Variants in LRRTM4 observed in about 807,000 individuals in gnomAD.
LRRTM4 encodes the protein leucine rich repeat transmembrane neuronal 4.
A neutral mutation model predicts 47.6 loss-of-function variants in LRRTM4; 25 were observed. The ratio of observed to expected loss-of-function variants is 0.53; its 90% CI spans 0.38 to 0.73. The LOEUF (loss-of-function observed/expected upper bound fraction) is 0.73. LRRTM4 is among the 30% of genes least tolerant of loss of function. LRRTM4 has a pLI of 0.00. For synonymous variants in LRRTM4, 311 were observed against 269.5 expected (o/e 1.15, Z -1.51); for missense variants, 638 against 713.4 (o/e 0.89, Z 1.20).
rs1369438238 is a variant in LRRTM4, at chr2:77,450,585, C to A, written c.1551+67733G>T. ...CACCTAAGAATTTAATAGGAGTTTG[C>A]AACTACTATTGTTGCCTCTCTTTGT... On this transcript the variant is annotated intron_variant, in intron 3 of 3. Coordinates refer to ENST00000409884, the MANE Select transcript of LRRTM4 (RefSeq NM_001134745.3). Among the ~76,000 whole-genome samples the A allele has an allele frequency of 3.3e-5, 5 of 151,962 alleles. No individual in the cohort carries two copies. In the East Asian group the frequency reaches 7.7e-4, roughly 23 times the overall value.
In LRRTM4 at chr2:77,448,343, A is replaced by C. The variant is rs187768162; in HGVS notation, c.1551+69975T>G. Among the ~76,000 whole-genome samples the C allele has an allele frequency of 3.2e-4, 49 of 152,284 alleles. 1 individual carries two copies. In the East Asian group the frequency reaches 6.0e-3, roughly 19 times the overall value. On this transcript the variant is annotated intron_variant, in intron 3 of 3. Transcript: ENST00000409884. ...TCTGGTAGAGATCAGCCTTTTACAT[A>C]AGAGACGAAATTATCACTCATGATA...
At chr2:76,839,857 G>A (rs755850429) in intron 3 of LRRTM4, among the ~76,000 whole-genome samples, 22 of 151,576 alleles carry the variant, frequency 1.5e-4, no homozygotes, top group Non-Finnish European at 2.8e-4. Context: ...TTGTTCCTTG[G>A]GTATGAGGAA....
intron 3 of LRRTM4, among the ~76,000 whole-genome samples, chr2:77,310,514 G>A (rs2104195172): frequency 6.6e-6 from 1 of 152,238 alleles, no homozygotes; most frequent in Admixed American, 6.5e-5. Flanking sequence ...TTAGTGCAGA[G>A]CAGGCTGCAA....
intron 3 of LRRTM4, among the ~76,000 whole-genome samples, chr2:77,508,501 C>T (rs542878453): frequency 4.6e-5 from 7 of 152,226 alleles, no homozygotes; most frequent in African/African-American, 1.7e-4. Flanking sequence ...TTATGCTGTA[C>T]CAATCACAAA....
chr2:77,310,917 C>G (rs2104196429), intron 3 of LRRTM4, among the ~76,000 whole-genome samples: 1 of 149,374 alleles, frequency 6.7e-6, no homozygotes, highest in Middle Eastern at 3.5e-3. Flanking sequence ...GATATATTTA[C>G]ACACATACAC....
chr2:77,152,781 C>T (rs753187803), intron 3 of LRRTM4, among the ~76,000 whole-genome samples: 9 of 152,058 alleles, frequency 5.9e-5, no homozygotes, highest in Non-Finnish European at 7.4e-5. Flanking sequence ...CATTTTTCTT[C>T]TATTTAACCC....
rs568963016 is a variant in LRRTM4 at position 77,041,061 on chromosome 2, C to A, written c.1552-292145G>T. ...CTGTACCTTTGTACTCATCAACCAA[C>A]CCCTCCCCACACCCTTCCTCCTTAT... On this transcript the variant is annotated intron_variant, in intron 3 of 3. Transcript: ENST00000409884. Among the ~76,000 whole-genome samples the A allele has an allele frequency of 2.6e-5, 4 of 151,470 alleles. No individual in the cohort carries two copies. In the East Asian group the frequency reaches 7.8e-4, roughly 30 times the overall value.
intron 3 of LRRTM4, among the ~76,000 whole-genome samples, chr2:76,973,655 T>C (rs1237377807): frequency 6.6e-6 from 1 of 151,986 alleles, no homozygotes; most frequent in Non-Finnish European, 1.5e-5. Context: ...ATTTTTATTC[T>C]ATCAGTGCTA....
intron 3 of LRRTM4, among the ~76,000 whole-genome samples, chr2:77,454,671 G>T (rs955252760): frequency 6.6e-6 from 1 of 151,916 alleles, no homozygotes; most frequent in African/African-American, 2.4e-5. Context: ...AAATAAAAGG[G>T]TTTTTAAATT....
chr2:77,076,567 CTTG>C lies in LRRTM4; in HGVS notation c.1552-327654_1552-327652del, dbSNP rs1267672607. ...AGTTATAACAAATGAGCATGAATAT[CTTG>C]TTATGTTTCTTCGGGGAATAGTATT... On this transcript the variant is annotated intron_variant, in intron 3 of 3. Transcript: ENST00000409884. Among the ~76,000 whole-genome samples, 4 of 152,206 alleles carry C rather than the reference CTTG, an allele frequency of 2.6e-5. No individual in the cohort carries two copies. In the East Asian group the frequency reaches 5.8e-4, roughly 22 times the overall value.
intron 3 of LRRTM4, among the ~76,000 whole-genome samples, chr2:77,208,551 G>T (rs192781456): frequency 1.2e-4 from 18 of 152,250 alleles, no homozygotes; most frequent in Non-Finnish European, 2.2e-4. Flanking sequence ...TGGAGAAGGA[G>T]TTGGGGTGTC....
chr2:77,083,263 T>A (rs1013702080), intron 3 of LRRTM4, among the ~76,000 whole-genome samples: 1 of 152,170 alleles, frequency 6.6e-6, no homozygotes, highest in African/African-American at 2.4e-5. Flanking sequence ...AGCTATTCCA[T>A]GGTGCAAAGG....
In LRRTM4 at chr2:77,066,889, T is replaced by C. The variant is rs374192867; in HGVS notation, c.1552-317973A>G. Reference sequence around the variant, plus strand: ...GTTGTGCATGTATGTCCAGTACCCATGCATGGCTGGCAGAGAGAGCGGGGC... The same window carrying C: ...GTTGTGCATGTATGTCCAGTACCCACGCATGGCTGGCAGAGAGAGCGGGGC... On this transcript the variant is annotated intron_variant, in intron 3 of 3. Coordinates refer to ENST00000409884, the MANE Select transcript of LRRTM4 (RefSeq NM_001134745.3). Among the ~76,000 whole-genome samples the C allele has an allele frequency of 6.6e-5, 10 of 152,350 alleles. No individual in the cohort carries two copies. The East Asian group carries it at 9.7e-4, about 15-fold the overall frequency.
At chr2:77,100,479 T>C (rs974436866) in intron 3 of LRRTM4, among the ~76,000 whole-genome samples, 2 of 152,080 alleles carry the variant, frequency 1.3e-5, no homozygotes, top group East Asian at 3.9e-4. Context: ...TGATAGAAGG[T>C]TGGGTTAAAC....
intron 3 of LRRTM4, among the ~76,000 whole-genome samples, chr2:77,021,482 A>T (rs1406895838): frequency 2.0e-5 from 3 of 152,178 alleles, no homozygotes; most frequent in African/African-American, 7.2e-5. Flanking sequence ...TTTTGGTCAA[A>T]GGGACACCAA....
chr2:76,906,688 GT>G (rs1417428177), intron 3 of LRRTM4, among the ~76,000 whole-genome samples: 2 of 151,734 alleles, frequency 1.3e-5, no homozygotes, highest in African/African-American at 4.8e-5. Flanking sequence ...AAAGGCAGGG[GT>G]TGCAATCCTA....
chr2:76,925,962 G>A (rs1674577241), intron 3 of LRRTM4, among the ~76,000 whole-genome samples: 1 of 152,120 alleles, frequency 6.6e-6, no homozygotes. Flanking sequence ...TCTTTTAAAA[G>A]TAATATTCAG....
intron 3 of LRRTM4, among the ~76,000 whole-genome samples, chr2:77,356,960 T>C (rs1415192142): frequency 6.6e-6 from 1 of 152,170 alleles, no homozygotes; most frequent in Non-Finnish European, 1.5e-5. Flanking sequence ...ACACTGATAC[T>C]TAGGAATTCA....
intron 3 of LRRTM4, among the ~76,000 whole-genome samples, chr2:77,017,375 G>T (rs1462915828): frequency 6.6e-6 from 1 of 152,126 alleles, no homozygotes; most frequent in Non-Finnish European, 1.5e-5. Context: ...TAGAACAAAT[G>T]CCATCCTTAT....
Sources: gnomAD v4.1 joint callset for allele counts (sites outside exome capture counted in the v4.1 genomes callset) on GRCh38, gnomAD v4.1.1 for gene constraint, MANE v1.5 for transcripts, NCBI Gene and HGNC (gene_info 2026-07-23, HGNC 2026-07-21) for gene names.